The following NR2C2 variants were observed in gnomAD, a reference collection of about 807,000 sequenced individuals.
NR2C2 encodes Nuclear hormone receptor TR4.
A neutral mutation model predicts 62.9 loss-of-function variants in NR2C2; 6 were observed. That is an observed-to-expected ratio of 0.10 (90% CI 0.05 to 0.19). The LOEUF (loss-of-function observed/expected upper bound fraction) is 0.19. Ranked by LOEUF, NR2C2 falls within the 10% of genes least tolerant of loss-of-function variation. The probability of loss-of-function intolerance (pLI) is 1.00; values close to 1 mark genes in which losing one functional copy is unlikely to be tolerated. For synonymous variants in NR2C2, 272 were observed against 273.8 expected (o/e 0.99, Z 0.07); for missense variants, 479 against 762.7 (o/e 0.63, Z 4.38).
At chr3:14,984,568 T>A (rs1318443252) in intron 1 of NR2C2, among the ~76,000 whole-genome samples, 1 of 152,194 alleles carries the variant, frequency 6.6e-6, no homozygotes, top group African/African-American at 2.4e-5. Flanking sequence ...GTCCACTTTT[T>A]TTGTCTTGCT....
chr3:15,033,824 GCTA>G (rs1229993396), intron 10 of NR2C2, among the ~76,000 whole-genome samples: 1 of 151,992 alleles, frequency 6.6e-6, no homozygotes, highest in Non-Finnish European at 1.5e-5. Context: ...GATAAAATGT[GCTA>G]CCACATTTAA....
In NR2C2 at chr3:15,043,823, G is replaced by A. The variant is rs115300834; in HGVS notation, c.*815G>A. 3.8e-4 allele frequency: 58 copies of A among 152,336 alleles called. No individual in the cohort carries two copies. The highest frequency in any genetic ancestry group is 1.3e-3 in the African/African-American group (56 of 41,568). 9.4% of individuals were successfully genotyped at this position (152,336 alleles called of 1,614,324 possible). A position where few individuals can be genotyped will look rare whatever the true frequency, so the allele number is the denominator to read the frequency against. On this transcript the variant is annotated 3_prime_UTR_variant, in exon 14 of 14. Coordinates refer to ENST00000425241, the MANE Select transcript of NR2C2 (RefSeq NM_001291694.2). Reference sequence around the variant, plus strand: ...GTTCTCCTTTGATGACTGGTTATCTGAATTGGATTGCAACTAGTCAGACAT... The same window carrying A: ...GTTCTCCTTTGATGACTGGTTATCTAAATTGGATTGCAACTAGTCAGACAT...
At chr3:15,010,530 A>C (rs1211170671) in intron 2 of NR2C2, among the ~76,000 whole-genome samples, 1 of 151,888 alleles carries the variant, frequency 6.6e-6, no homozygotes, top group Non-Finnish European at 1.5e-5. Flanking sequence ...CTTGGGCAAA[A>C]TAGTAAGACC....
At position 15,029,943 on chromosome 3, in the gene NR2C2, GAGAA is replaced by G. The variant is rs142916139; in HGVS notation, c.933-326_933-323del. Among the ~76,000 whole-genome samples the G allele has an allele frequency of 2.0e-3, 310 of 151,976 alleles. 5 individuals carry two copies. The highest frequency in any genetic ancestry group is 0.016 in the Admixed American group (243 of 15,252). On this transcript the variant is annotated intron_variant, in intron 8 of 13. Transcript: ENST00000425241. ...GAAAGAGAGAAAAGGAAGGAAAAGA[GAGAA>G]AGAAAAGAAAAGAAAGAAATTGTCC...
chr3:15,048,032 GA>G lies in NR2C2; in HGVS notation c.*5026del, dbSNP rs2042517184. On this transcript the variant is annotated 3_prime_UTR_variant, in exon 14 of 14. Transcript: ENST00000425241. ...CAGCAGTAGTTGCTCATAGACCTGG[GA>G]AGCAGGGGCCTGCTGGAAGGAATCA... is the stretch of plus-strand genomic sequence containing the variant. 6.6e-6 allele frequency: 1 copy of G among 152,590 alleles called. No homozygotes were observed. The highest frequency in any genetic ancestry group is 2.1e-4 in the South Asian group (1 of 4,828). 9.5% of individuals were successfully genotyped at this position (152,590 alleles called of 1,614,324 possible).
rs147563627 is a variant in NR2C2 at position 14,971,111 on chromosome 3, T to C, written c.-40+23205T>C. Among the ~76,000 whole-genome samples, 8 of 152,326 alleles carry C rather than the reference T, an allele frequency of 5.3e-5. No homozygotes were observed. In the East Asian group the frequency reaches 1.5e-3, roughly 29 times the overall value. On this transcript the variant is annotated intron_variant, in intron 1 of 13. Coordinates refer to ENST00000425241, the MANE Select transcript of NR2C2 (RefSeq NM_001291694.2). Reference sequence around the variant, plus strand: ...TGTTTGATAGGCTAAGTGTATTAAATGCATTTTTTTATTTTTTATTTTTTT... The same window carrying C: ...TGTTTGATAGGCTAAGTGTATTAAACGCATTTTTTTATTTTTTATTTTTTT...
chr3:14,990,719 C>T (rs1457580538), intron 1 of NR2C2, among the ~76,000 whole-genome samples: 3 of 152,162 alleles, frequency 2.0e-5, no homozygotes, highest in Non-Finnish European at 4.4e-5. Context: ...AACAAGACTG[C>T]AGTATTGAAG....
chr3:14,999,483 A>G (rs2040925607), intron 1 of NR2C2, among the ~76,000 whole-genome samples: 1 of 152,070 alleles, frequency 6.6e-6, no homozygotes, highest in Non-Finnish European at 1.5e-5. Flanking sequence ...AGAGTAAGAG[A>G]TCTTGTCCCC....
intron 1 of NR2C2, among the ~76,000 whole-genome samples, chr3:14,952,761 T>C (rs1330952625): frequency 6.6e-6 from 1 of 151,414 alleles, no homozygotes; most frequent in Admixed American, 6.6e-5. Flanking sequence ...TCTCTGTCAT[T>C]CTCTCCCATC....
In NR2C2 at chr3:15,016,147, C is replaced by G. The variant is rs1484428405; in HGVS notation, c.274-5C>G. The G allele has an allele frequency of 3.1e-6, 5 of 1,612,164 alleles. No homozygotes were observed. Among genetic ancestry groups the G allele is most frequent in the Non-Finnish European group, 4.2e-6 (5 of 1,178,330 alleles). On this transcript the variant is annotated splice_polypyrimidine_tract_variant and splice_region_variant and intron_variant, in intron 3 of 13. Coordinates refer to ENST00000425241, the MANE Select transcript of NR2C2 (RefSeq NM_001291694.2). ...CACCCCTGTTCGTTTCCTGATTTCT[C>G]TCAGATTGTCACGGATTCTGCCTCT...
At position 15,037,857 on chromosome 3, in the gene NR2C2, A is replaced by G. The variant is rs1184201411; in HGVS notation, c.1373-143A>G. ...TTGTCACTTCATCTGCAGCTGGAAA[A>G]TGAAGCTCTTGTTCACCTTGAGATT... On this transcript the variant is annotated intron_variant, in intron 11 of 13. Coordinates refer to ENST00000425241, the MANE Select transcript of NR2C2 (RefSeq NM_001291694.2). 3.3e-5 allele frequency: 29 copies of G among 888,962 alleles called. No homozygotes were observed. The East Asian group carries it at 7.1e-4, about 22-fold the overall frequency. The allele number at this position is 888,962 out of a possible 1,614,324, so 55.1% of individuals were successfully genotyped here.
At chr3:14,999,318 A>G (rs2040919999) in intron 1 of NR2C2, among the ~76,000 whole-genome samples, 1 of 152,180 alleles carries the variant, frequency 6.6e-6, no homozygotes. Context: ...CTCCGTCTCA[A>G]AAACAAACAA....
intron 10 of NR2C2, among the ~76,000 whole-genome samples, 176 bp downstream of exon 10, chr3:15,032,676 C>T (rs1454038993): frequency 1.3e-5 from 2 of 152,076 alleles, no homozygotes; most frequent in Admixed American, 6.5e-5. Flanking sequence ...TACCAGTTGC[C>T]AGTTCTGCAA....
intron 7 of NR2C2, among the ~76,000 whole-genome samples, chr3:15,024,675 T>C (rs1355328487): frequency 6.6e-6 from 1 of 152,178 alleles, no homozygotes; most frequent in Non-Finnish European, 1.5e-5. Context: ...TGGACAGAGA[T>C]GTTCGTCAGT....
At chr3:15,032,964 A>G (rs952699225) in intron 10 of NR2C2, among the ~76,000 whole-genome samples, 1 of 134,866 alleles carries the variant, frequency 7.4e-6, no homozygotes, top group African/African-American at 2.7e-5. Context: ...TCTACAGGAA[A>G]CCCCCCCCCC....
chr3:14,958,614 G>T (rs73145246), intron 1 of NR2C2, among the ~76,000 whole-genome samples: 2,959 of 152,306 alleles, frequency 0.019, 92 homozygotes, highest in African/African-American at 0.067. Context: ...AGCCAAGAAG[G>T]TTGTTTTTAA....
chr3:14,956,465 T>G (rs2039527972), intron 1 of NR2C2, among the ~76,000 whole-genome samples: 2 of 152,244 alleles, frequency 1.3e-5, no homozygotes, highest in Admixed American at 1.3e-4. Context: ...TTGTCCTAAT[T>G]TAGCCCCATT....
At chr3:15,041,268 T>G (rs1228716070) in intron 13 of NR2C2, among the ~76,000 whole-genome samples, 1 of 152,214 alleles carries the variant, frequency 6.6e-6, no homozygotes, top group Admixed American at 6.5e-5. Flanking sequence ...TTTCTCATAT[T>G]GATTATTCCT....
chr3:15,041,824 T>C (rs1168366890), intron 13 of NR2C2, among the ~76,000 whole-genome samples: 2 of 152,144 alleles, frequency 1.3e-5, no homozygotes, highest in African/African-American at 4.8e-5. Flanking sequence ...ATCACTCCAC[T>C]GCAGCCTGGA....
Sources: gnomAD v4.1 joint callset for allele counts (sites outside exome capture counted in the v4.1 genomes callset) on GRCh38, gnomAD v4.1.1 for gene constraint, MANE v1.5 for transcripts, NCBI Gene and HGNC (gene_info 2026-07-23, HGNC 2026-07-21) for gene names.